Variants in GDAP1 observed in about 807,000 individuals in gnomAD.
The protein encoded by GDAP1 is ganglioside induced differentiation associated protein 1.
GDAP1 carries 34 observed loss-of-function variants against 40.1 expected under a neutral mutation model. The ratio of observed to expected loss-of-function variants is 0.85; its 90% CI spans 0.64 to 1.13. The LOEUF is 1.13. GDAP1 is among the 50% of genes most tolerant of loss of function. GDAP1 has a pLI of 0.00. For missense variants in GDAP1, 374 were observed against 433.7 expected, an observed-to-expected ratio of 0.86 and a Z score of 1.22; for synonymous variants, 170 against 157.4, an observed-to-expected ratio of 1.08 and a Z score of -0.60.
chr8:74,472,635 T>A (rs938944496), intron 2 of GDAP1, among the ~76,000 whole-genome samples: 6 of 152,174 alleles, frequency 3.9e-5, no homozygotes, highest in Admixed American at 1.3e-4. Flanking sequence ...CCATTCTGAC[T>A]GGTGTGAGAT....
rs754319162 is a variant in GDAP1, at chr8:74,364,349, C to T, written c.1059C>T (p.Pro353=). 9 of 1,613,848 alleles carry T rather than the reference C, an allele frequency of 5.6e-6. No homozygotes were observed. The East Asian group carries it at 1.1e-4, about 20-fold the overall frequency. Residue 353 remains proline, a synonymous_variant, in exon 6 of 6, where the codon CCC becomes CCT. Transcript: ENST00000220822. ...RLGSMILAFR[P]RPNYF is the part of the protein sequence containing the mutation. ...GCAGCATGATATTAGCATTTAGACC[C>T]AGACCAAATTATTTCTAGGTTTGTT...
In GDAP1 at chr8:74,366,122, T is replaced by C. The variant is rs776228962; in HGVS notation, c.*1755T>C. The C allele has an allele frequency of 3.1e-5, 14 of 445,616 alleles. No individual in the cohort carries two copies. Among genetic ancestry groups the C allele is most frequent in the Admixed American group, 4.9e-5 (2 of 40,534 alleles). 27.6% of individuals were successfully genotyped at this position (445,616 alleles called of 1,614,324 possible). ...AGTCCATGGTTAACTTTTCCTTCAA[T>C]TTATATTATTCCTGAATCATAGGGA... On this transcript the variant is annotated 3_prime_UTR_variant, in exon 6 of 6. Coordinates refer to ENST00000220822, the MANE Select transcript of GDAP1 (RefSeq NM_018972.4).
At chr8:74,426,198 T>A (rs2131562226) in intron 2 of GDAP1, among the ~76,000 whole-genome samples, 1 of 152,326 alleles carries the variant, frequency 6.6e-6, no homozygotes, top group South Asian at 2.1e-4. Flanking sequence ...ATAGTGCAAA[T>A]GGTTTCCATA....
Position 74,360,064 on chromosome 8 carries a change from GT to G in GDAP1, c.311-68del. 2.9e-6 allele frequency: 3 copies of G among 1,047,764 alleles called. No individual in the cohort carries two copies. The South Asian group carries it at 3.8e-5, about 13-fold the overall frequency. The allele number at this position is 1,047,764 out of a possible 1,614,324, so 64.9% of individuals were successfully genotyped here. A position where few individuals can be genotyped will look rare whatever the true frequency, so the allele number is the denominator to read the frequency against. ...AAAATGTTAATGATGAGTGGATAGT[GT>G]TTTTGTTTTGCTTTTGAGTGTAACA... On this transcript the variant is annotated intron_variant, in intron 2 of 5. Coordinates refer to ENST00000220822, the MANE Select transcript of GDAP1 (RefSeq NM_018972.4).
At chr8:74,461,033 T>G (rs1297661626) in intron 2 of GDAP1, among the ~76,000 whole-genome samples, 1 of 152,216 alleles carries the variant, frequency 6.6e-6, no homozygotes, top group Non-Finnish European at 1.5e-5. Flanking sequence ...GAACATCTTC[T>G]GCCAGCACTT....
At chr8:74,437,152 T>C (rs1806103076) in intron 2 of GDAP1, among the ~76,000 whole-genome samples, 1 of 152,206 alleles carries the variant, frequency 6.6e-6, no homozygotes, top group Admixed American at 6.5e-5. Flanking sequence ...TTCAAATTAA[T>C]TTTAAAATTC....
intron 2 of GDAP1, among the ~76,000 whole-genome samples, chr8:74,482,677 C>T (rs953590626): frequency 9.2e-5 from 14 of 152,138 alleles, no homozygotes; most frequent in Admixed American, 5.2e-4. Context: ...TCTTTCTCCA[C>T]GACACATGCA....
At chr8:74,488,415 C>G (rs1563483055) in intron 2 of GDAP1, among the ~76,000 whole-genome samples, 1 of 152,096 alleles carries the variant, frequency 6.6e-6, no homozygotes, top group Non-Finnish European at 1.5e-5. Flanking sequence ...GTACCCTCAT[C>G]AATTTTTAGT....
At chr8:74,368,780 A>C (rs1809701170), downstream of GDAP1, among the ~76,000 whole-genome samples, 1 of 152,184 alleles carries the variant, frequency 6.6e-6, no homozygotes. Flanking sequence ...TTGATATTGT[A>C]AACCAGATAA....
intron 2 of GDAP1, among the ~76,000 whole-genome samples, chr8:74,466,877 T>C (rs1056677943): frequency 2.6e-5 from 4 of 152,062 alleles, no homozygotes; most frequent in Non-Finnish European, 5.9e-5. Context: ...TCAAGACAAA[T>C]GACAGCAGAT....
chr8:74,358,290 C>G (rs1809198704), intron 2 of GDAP1, among the ~76,000 whole-genome samples: 1 of 152,238 alleles, frequency 6.6e-6, no homozygotes, highest in Admixed American at 6.5e-5. Flanking sequence ...ATGGTATGCT[C>G]TTCTGGAGAG....
chr8:74,350,685 C>T, intron 1 of GDAP1, 107 bp downstream of exon 1: 1 of 822,694 alleles, frequency 1.2e-6, no homozygotes, highest in Non-Finnish European at 2.1e-6. Context: ...AAATCCGCCT[C>T]CAGTGTCCTG....
chr8:74,462,098 A>G (rs558697331), intron 2 of GDAP1, among the ~76,000 whole-genome samples: 44 of 152,372 alleles, frequency 2.9e-4, no homozygotes, highest in African/African-American at 1.0e-3. Context: ...GTTAGATGGT[A>G]TCTAAACAAA....
At chr8:74,414,030 C>T (rs367726873) in intron 2 of GDAP1, among the ~76,000 whole-genome samples, 22 of 150,104 alleles carry the variant, frequency 1.5e-4, no homozygotes, top group African/African-American at 2.3e-4. Context: ...TACCAAATTC[C>T]GACACTAGTC....
chr8:74,475,852 C>A (rs1053872877), intron 2 of GDAP1, among the ~76,000 whole-genome samples: 5 of 152,118 alleles, frequency 3.3e-5, no homozygotes, highest in African/African-American at 1.2e-4. Flanking sequence ...TTTTCTGACT[C>A]AATGATCTGT....
chr8:74,369,875 G>A (rs576507808), downstream of GDAP1, among the ~76,000 whole-genome samples: 171 of 152,318 alleles, frequency 1.1e-3, no homozygotes, highest in Non-Finnish European at 2.1e-3. Context: ...ACCAGAAATA[G>A]TGGAATGCAG....
intron 2 of GDAP1, among the ~76,000 whole-genome samples, chr8:74,449,133 T>G (rs1414874722): frequency 2.6e-5 from 4 of 151,950 alleles, no homozygotes; most frequent in Non-Finnish European, 5.9e-5. Flanking sequence ...ATCTTAACAT[T>G]TTTGTCAAAA....
chr8:74,370,723 GAC>G (rs34902175), downstream of GDAP1, among the ~76,000 whole-genome samples: 4,766 of 152,266 alleles, frequency 0.031, 103 homozygotes, highest in Middle Eastern at 0.078. Context: ...AAGAATGCAA[GAC>G]ACAAGTATGC....
At chr8:74,438,248 G>A (rs186111411) in intron 2 of GDAP1, among the ~76,000 whole-genome samples, 2 of 152,138 alleles carry the variant, frequency 1.3e-5, no homozygotes, top group Admixed American at 6.6e-5. Context: ...CCAGCCTGAC[G>A]ACAGAGCGAA....
Sources: allele counts gnomAD v4.1 joint callset (sites outside exome capture counted in the v4.1 genomes callset), GRCh38; gene constraint gnomAD v4.1.1; transcripts MANE v1.5; gene names NCBI Gene and HGNC (gene_info 2026-07-23, HGNC 2026-07-21).